The following OLA1 variants were observed in gnomAD, a reference collection of about 807,000 sequenced individuals.
OLA1 encodes Obg like ATPase 1, also known as obg-like ATPase 1.
Under a neutral mutation model 48.4 loss-of-function variants are expected in OLA1, and 14 were observed. The ratio of observed to expected loss-of-function variants is 0.29; its 90% CI spans 0.19 to 0.45. The LOEUF is 0.45. Ranked by LOEUF, OLA1 falls within the 20% of genes least tolerant of loss-of-function variation. OLA1 has a pLI of 1.00. For missense variants in OLA1, 325 were observed against 467.1 expected (o/e 0.70, Z 2.80); for synonymous variants, 127 against 150.4 (o/e 0.84, Z 1.14).
intron 7 of OLA1, among the ~76,000 whole-genome samples, chr2:174,101,096 G>A (rs1186127954): frequency 1.3e-5 from 2 of 151,882 alleles, no homozygotes; most frequent in African/African-American, 2.4e-5. Flanking sequence ...AAATGAAAAC[G>A]CCAATTTTCC....
chr2:174,091,325 T>C (rs1015958401), intron 7 of OLA1, among the ~76,000 whole-genome samples: 3 of 152,258 alleles, frequency 2.0e-5, no homozygotes, highest in Non-Finnish European at 4.4e-5. Context: ...AGTGAGGTTT[T>C]GGATTTTCCA....
intron 4 of OLA1, among the ~76,000 whole-genome samples, chr2:174,215,608 A>G (rs1469668178): frequency 6.6e-6 from 1 of 152,224 alleles, no homozygotes. Flanking sequence ...ATACATAGAT[A>G]CTTGTCAATT....
At chr2:174,144,951 A>AAAAAAAAAAAATATAT (rs1181030817) in intron 4 of OLA1, among the ~76,000 whole-genome samples, 2 of 40,296 alleles carry the variant, frequency 5.0e-5, no homozygotes, top group South Asian at 1.7e-3. Context: ...AAAAAAAAAA[A>AAAAAAAAAAAATATAT]ATATATATAT....
Position 174,110,756 on chromosome 2 carries a change from AT to A in OLA1, c.728+12423del, listed in dbSNP as rs1685629893. Among the ~76,000 whole-genome samples, 5 of 152,078 alleles carry A rather than the reference AT, an allele frequency of 3.3e-5. No individual in the cohort carries two copies. The South Asian group carries it at 8.3e-4, about 25-fold the overall frequency. On this transcript the variant is annotated intron_variant, in intron 7 of 10. Coordinates refer to ENST00000284719, the MANE Select transcript of OLA1 (RefSeq NM_013341.5). ...GCCACTGTGTCTGGCTAATGTTTTT[AT>A]TTTTTGTAGACGTAGGATGTACCTA...
chr2:174,081,798 AAGG>A, intron 8 of OLA1, 123 bp downstream of exon 8: 1 of 904,826 alleles, frequency 1.1e-6, no homozygotes. Context: ...ATGGTAAAGA[AAGG>A]AGAAGATTCC....
chr2:174,172,364 C>T, intron 4 of OLA1: 1 of 114,752 alleles, frequency 8.7e-6, no homozygotes, highest in South Asian at 2.9e-4. Context: ...CTCCCGAAGG[C>T]CAGGCCCAAC....
At chr2:174,191,443 TTTC>T (rs894509502) in intron 4 of OLA1, among the ~76,000 whole-genome samples, 6 of 151,930 alleles carry the variant, frequency 3.9e-5, no homozygotes, top group African/African-American at 7.3e-5. Context: ...TGAAAATTCT[TTTC>T]TTTTTTTTTT....
intron 4 of OLA1, among the ~76,000 whole-genome samples, chr2:174,210,675 T>G (rs923468294): frequency 2.0e-5 from 3 of 152,162 alleles, no homozygotes; most frequent in Non-Finnish European, 4.4e-5. Flanking sequence ...GGAATGCTTT[T>G]TGCTAGCAAG....
chr2:174,245,012 T>C (rs1169588223), intron 2 of OLA1, among the ~76,000 whole-genome samples: 3 of 152,224 alleles, frequency 2.0e-5, no homozygotes, highest in Non-Finnish European at 2.9e-5. Flanking sequence ...GTTGCCTATA[T>C]GTACAGAAAA....
At chr2:174,209,024 G>A (rs1469275254) in intron 4 of OLA1, among the ~76,000 whole-genome samples, 1 of 152,114 alleles carries the variant, frequency 6.6e-6, no homozygotes, top group Non-Finnish European at 1.5e-5. Flanking sequence ...GCATGGTGGC[G>A]CATGACTGTA....
At chr2:174,181,763 T>C (rs904114792) in intron 4 of OLA1, among the ~76,000 whole-genome samples, 65 of 152,222 alleles carry the variant, frequency 4.3e-4, no homozygotes, top group African/African-American at 1.5e-3. Context: ...TACTCAACTG[T>C]CAACTTCAGT....
chr2:174,155,924 A>C (rs1686866789), intron 4 of OLA1, among the ~76,000 whole-genome samples: 1 of 152,156 alleles, frequency 6.6e-6, no homozygotes, highest in Non-Finnish European at 1.5e-5. Context: ...CATACTCTGG[A>C]ATCAGAACAT....
At chr2:174,201,555 G>C (rs886243890) in intron 4 of OLA1, among the ~76,000 whole-genome samples, 2 of 152,106 alleles carry the variant, frequency 1.3e-5, no homozygotes, top group Admixed American at 6.5e-5. Context: ...GTCTCACTAT[G>C]TTGTCCTGGC....
chr2:174,072,907 T>G lies in OLA1; in HGVS notation c.*2519A>C, dbSNP rs1359619942. 2 of 152,230 alleles carry G rather than the reference T, an allele frequency of 1.3e-5. No individual in the cohort carries two copies. Among genetic ancestry groups the G allele is most frequent in the Non-Finnish European group, 2.9e-5 (2 of 68,030 alleles). The allele number at this position is 152,230 out of a possible 1,614,324, so 9.4% of individuals were successfully genotyped here. A position where few individuals can be genotyped will look rare whatever the true frequency, so the allele number is the denominator to read the frequency against. On this transcript the variant is annotated 3_prime_UTR_variant, in exon 11 of 11. Transcript: ENST00000284719. ...TCTGAGCCATATGCAAAATGCATGT[T>G]ATGAAGATAACATGATAAAACACAA... is the stretch of plus-strand genomic sequence containing the variant.
intron 2 of OLA1, among the ~76,000 whole-genome samples, chr2:174,231,965 A>AAC (rs1172881757): frequency 6.6e-6 from 1 of 152,116 alleles, no homozygotes; most frequent in East Asian, 1.9e-4. Context: ...GAACTTTTTA[A>AAC]ACACACACAC....
chr2:174,181,788 G>C (rs1687547148), intron 4 of OLA1, among the ~76,000 whole-genome samples: 1 of 151,962 alleles, frequency 6.6e-6, no homozygotes, highest in South Asian at 2.1e-4. Flanking sequence ...CTCTCTCCTT[G>C]CCTTTAAAAC....
chr2:174,143,505 T>C (rs1368005268), intron 4 of OLA1, among the ~76,000 whole-genome samples: 1 of 152,180 alleles, frequency 6.6e-6, no homozygotes, highest in African/African-American at 2.4e-5. Context: ...CAGGAGTGAC[T>C]AAGCTTTCTG....
intron 4 of OLA1, among the ~76,000 whole-genome samples, chr2:174,144,818 C>T (rs1030667855): frequency 6.7e-6 from 1 of 149,582 alleles, no homozygotes; most frequent in African/African-American, 2.5e-5. Context: ...CATGGTGGTG[C>T]ACGCCTGTGG....
At chr2:174,095,430 A>G (rs1685232717) in intron 7 of OLA1, among the ~76,000 whole-genome samples, 1 of 133,444 alleles carries the variant, frequency 7.5e-6, no homozygotes, top group African/African-American at 2.9e-5. Context: ...CATTTCTCTT[A>G]TGATTACTGA....
Sources: allele counts gnomAD v4.1 joint callset (sites outside exome capture counted in the v4.1 genomes callset), GRCh38; gene constraint gnomAD v4.1.1; transcripts MANE v1.5; gene names NCBI Gene and HGNC (gene_info 2026-07-23, HGNC 2026-07-21).